Variants in ZDHHC24 observed in about 807,000 individuals in gnomAD.
The protein encoded by ZDHHC24 is zDHHC palmitoyltransferase 24.
A neutral mutation model predicts 23.2 loss-of-function variants in ZDHHC24; 17 were observed. That is an observed-to-expected ratio of 0.73 (90% CI 0.50 to 1.10). The LOEUF is 1.10. Ranked by LOEUF, ZDHHC24 falls within the 50% of genes least tolerant of loss-of-function variation. The pLI, the probability that ZDHHC24 is intolerant of heterozygous loss-of-function variation, is 0.00. For synonymous variants in ZDHHC24, 186 were observed against 194.5 expected, an observed-to-expected ratio of 0.96 and a Z score of 0.36; for missense variants, 366 against 393.0, an observed-to-expected ratio of 0.93 and a Z score of 0.58.
chr11:66,533,362 C>T (rs975812461), downstream of ZDHHC24: 2 of 152,238 alleles, frequency 1.3e-5, no homozygotes, highest in Non-Finnish European at 1.5e-5. Context: ...CAGTCACTTC[C>T]AGTTCATTCA....
chr11:66,526,527 C>T (rs966664324), intron 4 of ZDHHC24: 8 of 1,229,812 alleles, frequency 6.5e-6, no homozygotes, highest in African/African-American at 5.9e-5. Flanking sequence ...GAAACAGTCT[C>T]GTCTGGAAGA....
Position 66,526,149 on chromosome 11 carries a change from C to T in ZDHHC24, c.*21+787G>A. On this transcript the variant is annotated intron_variant, in intron 4 of 4. Transcript: ENST00000526986. ...ATGCAGTGACCAGCCTTTGCTTTGG[C>T]CGGTACGGGCGGGAGGACAACACCC... 1.9e-6 allele frequency: 3 copies of T among 1,614,180 alleles called. No homozygotes were observed. In the South Asian group the frequency reaches 3.3e-5, roughly 18 times the overall value.
At chr11:66,531,848 G>A, downstream of ZDHHC24, 2 of 1,603,618 alleles carry the variant, frequency 1.2e-6, no homozygotes, top group East Asian at 2.2e-5. Context: ...GGGGGTGGGG[G>A]TATCTGCACA....
chr11:66,540,138 C>T (rs1027782735), intron 2 of ZDHHC24, among the ~76,000 whole-genome samples: 1 of 152,158 alleles, frequency 6.6e-6, no homozygotes, highest in Non-Finnish European at 1.5e-5. Context: ...CCATTCTTGG[C>T]TGGATGCGGT....
downstream of ZDHHC24, chr11:66,532,096 G>A (rs1856810817): frequency 1.3e-6 from 2 of 1,523,550 alleles, no homozygotes; most frequent in Admixed American, 1.9e-5. Flanking sequence ...GGCGGGTTTA[G>A]TGGCCCCAGG....
At chr11:66,530,974 G>C (rs760568652), downstream of ZDHHC24, 14 of 1,614,208 alleles carry the variant, frequency 8.7e-6, no homozygotes, top group Non-Finnish European at 1.1e-5. Flanking sequence ...TGGGGCTGCT[G>C]GTCTGCTTCC....
Position 66,545,704 on chromosome 11 carries a change from G to A in ZDHHC24, c.281+19C>T, listed in dbSNP as rs761331722. 32 of 1,500,560 alleles carry A rather than the reference G, an allele frequency of 2.1e-5. No individual in the cohort carries two copies. The highest frequency in any genetic ancestry group is 2.5e-5 in the Non-Finnish European group (28 of 1,130,468). The allele number at this position is 1,500,560 out of a possible 1,614,324, so 93.0% of individuals were successfully genotyped here. A position where few individuals can be genotyped will look rare whatever the true frequency, so the allele number is the denominator to read the frequency against. Reference sequence around the variant, plus strand: ...CCAAGGCTCCCACTTCTCCCCGCCCGATCCCGCACCCCACTCACGCCCAGC... The same window carrying A: ...CCAAGGCTCCCACTTCTCCCCGCCCAATCCCGCACCCCACTCACGCCCAGC... On this transcript the variant is annotated intron_variant, in intron 1 of 2. Transcript: ENST00000310442. This position sits in a 1 kb window ranked among gnomAD's most constrained non-coding sequence, Gnocchi z 4.5.
At chr11:66,534,419 C>T (rs1856895357), downstream of ZDHHC24, among the ~76,000 whole-genome samples, 1 of 131,170 alleles carries the variant, frequency 7.6e-6, no homozygotes, top group Admixed American at 9.1e-5. Flanking sequence ...CCACTCTAGC[C>T]TGGGCAAGAG....
At chr11:66,533,906 C>T (rs1263236340), downstream of ZDHHC24, among the ~76,000 whole-genome samples, 1 of 152,370 alleles carries the variant, frequency 6.6e-6, no homozygotes, top group African/African-American at 2.4e-5. Context: ...CTGTGGCTCA[C>T]GCCTGTAATC....
chr11:66,540,292 G>A (rs917819637), intron 2 of ZDHHC24, among the ~76,000 whole-genome samples: 1 of 151,934 alleles, frequency 6.6e-6, no homozygotes, highest in African/African-American at 2.4e-5. Context: ...GGTGGCAGGC[G>A]CCTGTAATCC....
At chr11:66,531,828 G>A (rs1565291142), downstream of ZDHHC24, 7 of 1,611,018 alleles carry the variant, frequency 4.3e-6, no homozygotes, top group East Asian at 1.6e-4. Flanking sequence ...ACCTTAGGGG[G>A]CTCCTGGGTG....
In ZDHHC24 at chr11:66,539,668, A is replaced by T. The variant is rs1459593013; in HGVS notation, c.716T>A (p.Leu239Gln). Reference protein sequence around the residue: ...EWARGQHSYDLGPCHNLQAAL... With the variant: ...EWARGQHSYDQGPCHNLQAAL... Reference sequence around the variant, plus strand: ...TGCCTGCAGGTTGTGGCAGGGACCCAGGTCATAGGAGTGCTGGCCCCGAGC... The same window carrying T: ...TGCCTGCAGGTTGTGGCAGGGACCCTGGTCATAGGAGTGCTGGCCCCGAGC... Residue 239 changes from leucine to glutamine, a missense_variant, in exon 3 of 3, where the codon CTG (leucine) becomes CAG (glutamine). Transcript: ENST00000310442. The T allele has an allele frequency of 2.5e-5, 41 of 1,610,578 alleles. No individual in the cohort carries two copies. Among genetic ancestry groups the T allele is most frequent in the Non-Finnish European group, 3.5e-5 (41 of 1,179,338 alleles).
Position 66,543,948 on chromosome 11 carries a change from T to C in ZDHHC24, c.315A>G (p.Pro105=). The C allele has an allele frequency of 6.2e-7, 1 of 1,613,590 alleles. No individual in the cohort carries two copies. Among genetic ancestry groups the C allele is most frequent in the Non-Finnish European group, 8.5e-7 (1 of 1,179,722 alleles). ...GGCAGGCAGAGCAGTGTCCGCTGCG[T>C]GGCGGCACCTGGCTTTGGCATTGGT... ...YCYQCQSQVP[P]RSGHCSACRV... Residue 105 remains proline (P), a synonymous_variant, in exon 2 of 3, where the codon CCA becomes CCG. Coordinates refer to ENST00000310442, the MANE Select transcript of ZDHHC24 (RefSeq NM_207340.3).
At chr11:66,531,696 C>G (rs775132054), downstream of ZDHHC24, 4 of 1,614,084 alleles carry the variant, frequency 2.5e-6, no homozygotes, top group South Asian at 4.4e-5. Flanking sequence ...CCCCTGGAGA[C>G]CTTTGTGGAG....
chr11:66,544,039 C>T, intron 1 of ZDHHC24, 58 bp from the exon 2 acceptor site: 1 of 1,586,176 alleles, frequency 6.3e-7, no homozygotes, highest in Non-Finnish European at 8.6e-7. Context: ...CCATATTGTG[C>T]ACAGGGCTGC....
downstream of ZDHHC24, among the ~76,000 whole-genome samples, chr11:66,535,097 T>C (rs948393757): frequency 6.6e-6 from 1 of 152,180 alleles, no homozygotes; most frequent in Non-Finnish European, 1.5e-5. Flanking sequence ...TTTACCATGT[T>C]GGCCAAGCTG....
chr11:66,531,936 G>A, downstream of ZDHHC24: 1 of 1,575,292 alleles, frequency 6.3e-7, no homozygotes, highest in Non-Finnish European at 8.6e-7. Flanking sequence ...TGCTGCCATG[G>A]CCACTCCTCC....
At chr11:66,526,936 C>T in exon 4 of ZDHHC24, 1 of 1,593,994 alleles carries the variant, frequency 6.3e-7, no homozygotes, top group Non-Finnish European at 8.5e-7. Context: ...GGTCACTCAC[C>T]TCTGCAAATC....
chr11:66,523,602 C>T (rs1431334035), intron 4 of ZDHHC24: 1 of 1,613,784 alleles, frequency 6.2e-7, no homozygotes, highest in African/African-American at 1.3e-5. Context: ...AGCAGCAGCC[C>T]CTCCACGCCT....
Sources: gnomAD v4.1 joint callset for allele counts (sites outside exome capture counted in the v4.1 genomes callset) on GRCh38, gnomAD v4.1.1 for gene constraint, Gnocchi (gnomAD v3.1) non-coding constraint, MANE v1.5 for transcripts, NCBI Gene and HGNC (gene_info 2026-07-23, HGNC 2026-07-21) for gene names.